NBEA: variants seen among roughly 807,000 people sequenced by gnomAD.
The protein encoded by NBEA is neurobeachin, also known as lysosomal-trafficking regulator 2.
In NBEA, 44 loss-of-function variants were observed where a neutral mutation model predicts 343.4. That is an observed-to-expected ratio of 0.13 (90% confidence interval 0.10 to 0.16). NBEA has a LOEUF of 0.16. Among genes scored for constraint, NBEA ranks in the 10% least tolerant of loss-of-function variants. The pLI is 1.00. For missense variants in NBEA, 2,555 were observed against 3,631.3 expected (o/e 0.70, Z 7.62); for synonymous variants, 1,175 against 1,238.7 (o/e 0.95, Z 1.08).
intron 1 of NBEA, among the ~76,000 whole-genome samples, chr13:34,988,920 T>C (rs1211609056): frequency 6.6e-6 from 1 of 150,908 alleles, no homozygotes; most frequent in Non-Finnish European, 1.5e-5. Flanking sequence ...ATAGGAAAAT[T>C]TGTGTTCCAG....
At chr13:35,343,478 A>G (rs1172669102) in intron 36 of NBEA, among the ~76,000 whole-genome samples, 1 of 152,130 alleles carries the variant, frequency 6.6e-6, no homozygotes, top group Non-Finnish European at 1.5e-5. Flanking sequence ...CCTGTGTAAA[A>G]TCTGATCACA....
intron 39 of NBEA, among the ~76,000 whole-genome samples, chr13:35,437,694 A>G (rs1400494135): frequency 6.6e-6 from 1 of 152,170 alleles, no homozygotes; most frequent in Non-Finnish European, 1.5e-5. Context: ...ATTACCATGA[A>G]TTTTATGGAC....
At chr13:35,177,999 G>A (rs894998472) in intron 28 of NBEA, among the ~76,000 whole-genome samples, 4 of 151,612 alleles carry the variant, frequency 2.6e-5, no homozygotes, top group Non-Finnish European at 4.4e-5. Context: ...GTTATAAAAT[G>A]CTAGGAAAAT....
chr13:35,251,741 A>C (rs145007798), intron 34 of NBEA: 212 of 238,560 alleles, frequency 8.9e-4, no homozygotes, highest in African/African-American at 4.8e-3. Flanking sequence ...GGAGCTGTAC[A>C]TGCTCAAAGC....
intron 38 of NBEA, among the ~76,000 whole-genome samples, chr13:35,413,924 T>A (rs2043741330): frequency 6.6e-6 from 1 of 152,034 alleles, no homozygotes; most frequent in Non-Finnish European, 1.5e-5. Context: ...ACACTGGAGG[T>A]ATCATACATG....
intron 7 of NBEA, among the ~76,000 whole-genome samples, chr13:35,056,808 TC>T (rs1245112327): frequency 2.6e-5 from 4 of 152,142 alleles, no homozygotes; most frequent in Non-Finnish European, 5.9e-5. Flanking sequence ...AGCTTAAAAA[TC>T]CTTGGAAGGT....
Position 35,359,108 on chromosome 13 carries a change from G to A in NBEA, c.6179+6785G>A, listed in dbSNP as rs1446040629. 2.6e-5 allele frequency among the ~76,000 whole-genome samples: 4 copies of A among 152,278 alleles called. No homozygotes were observed. In the East Asian group the frequency reaches 7.7e-4, roughly 29 times the overall value. ...GACTTTATCCTAAGTAGCATGAAAA[G>A]CAAAGAAGTATTTGAACAGGAGAAT... On this transcript the variant is annotated intron_variant, in intron 38 of 58. Coordinates refer to ENST00000379939, the MANE Select transcript of NBEA (RefSeq NM_001385012.1).
intron 10 of NBEA, among the ~76,000 whole-genome samples, chr13:35,093,990 T>C (rs763832932): frequency 6.6e-6 from 1 of 151,838 alleles, no homozygotes; most frequent in Non-Finnish European, 1.5e-5. Flanking sequence ...TATATAGTAA[T>C]ATAAGAGATT....
chr13:35,300,786 G>A (rs1247225740), intron 35 of NBEA, among the ~76,000 whole-genome samples: 1 of 152,132 alleles, frequency 6.6e-6, no homozygotes, highest in Non-Finnish European at 1.5e-5. Flanking sequence ...CGGTAGCTTA[G>A]GATAACCAAT....
chr13:35,166,858 TA>T (rs1355114920), intron 24 of NBEA, among the ~76,000 whole-genome samples: 2 of 152,004 alleles, frequency 1.3e-5, no homozygotes, highest in Non-Finnish European at 2.9e-5. Context: ...TATTTAAATT[TA>T]AAGTGTAAAA....
chr13:35,065,262 GATGTCTTAAAT>G (rs2063610130), intron 8 of NBEA, among the ~76,000 whole-genome samples: 1 of 151,744 alleles, frequency 6.6e-6, no homozygotes, highest in Non-Finnish European at 1.5e-5. Flanking sequence ...TCTTTCTTTG[GATGTCTTAAAT>G]ATGCTACTAA....
At chr13:35,488,079 A>C (rs1206705079) in intron 41 of NBEA, among the ~76,000 whole-genome samples, 1 of 151,878 alleles carries the variant, frequency 6.6e-6, no homozygotes, top group African/African-American at 2.4e-5. Flanking sequence ...TTTTGTATTC[A>C]TCCAACTCAT....
At chr13:35,536,646 TGATAGATA>T (rs79061692) in intron 41 of NBEA, among the ~76,000 whole-genome samples, 18 of 99,358 alleles carry the variant, frequency 1.8e-4, no homozygotes, top group African/African-American at 7.5e-4. Flanking sequence ...AATAGATAGA[TGATAGATA>T]GATAGATAGA....
At chr13:35,364,185 G>C (rs1030027198) in intron 38 of NBEA, among the ~76,000 whole-genome samples, 7 of 151,856 alleles carry the variant, frequency 4.6e-5, no homozygotes, top group Non-Finnish European at 1.0e-4. Context: ...CCAGTGAAGG[G>C]CATCTAGGAA....
chr13:35,126,127 G>T (rs1176990410), intron 17 of NBEA, among the ~76,000 whole-genome samples: 3 of 152,182 alleles, frequency 2.0e-5, no homozygotes, highest in African/African-American at 7.2e-5. Context: ...CATGGGGGCA[G>T]TTCCCCCCTG....
Position 35,649,656 on chromosome 13 carries a change from G to A in NBEA, c.7772G>A (p.Cys2591Tyr). Reference sequence around the variant, plus strand: ...TTCTCTTCCCTTTCTATTCAACAGTGTTTCCTTCCACAGAGTCCGCTCATG... The same window carrying A: ...TTCTCTTCCCTTTCTATTCAACAGTATTTCCTTCCACAGAGTCCGCTCATG... Reference protein sequence around the residue: ...HPPRSSAMHLCFLPQSPLMFK... With the variant: ...HPPRSSAMHLYFLPQSPLMFK... The change falls in exon 52 of 59, where the codon TGT becomes TAT. Residue 2591 changes from cysteine to tyrosine, a missense_variant and splice_region_variant. Physicochemically the swap from Cys to Tyr is radical, Grantham distance 194. Transcript: ENST00000379939. The A allele has an allele frequency of 6.2e-7, 1 of 1,611,134 alleles. No homozygotes were observed. The highest frequency in any genetic ancestry group is 8.5e-7 in the Non-Finnish European group (1 of 1,177,388).
At chr13:35,087,829 A>G (rs938906455) in intron 10 of NBEA, among the ~76,000 whole-genome samples, 7 of 151,962 alleles carry the variant, frequency 4.6e-5, no homozygotes, top group Non-Finnish European at 7.4e-5. Context: ...TGGTATAACC[A>G]GAGAACCTTG....
intron 24 of NBEA, among the ~76,000 whole-genome samples, chr13:35,167,596 C>T (rs1015282649): frequency 2.6e-5 from 4 of 151,784 alleles, no homozygotes; most frequent in Admixed American, 2.6e-4. Flanking sequence ...AGTTTCAGAT[C>T]TCCGAGTTAG....
At chr13:35,050,542 T>G in intron 6 of NBEA, 147 bp downstream of exon 6, 1 of 908,942 alleles carries the variant, frequency 1.1e-6, no homozygotes, top group Non-Finnish European at 1.6e-6. Flanking sequence ...CCTTTTTACT[T>G]TTATGTCTAA....
Sources: allele counts gnomAD v4.1 joint callset (sites outside exome capture counted in the v4.1 genomes callset), GRCh38; gene constraint gnomAD v4.1.1; transcripts MANE v1.5; gene names NCBI Gene and HGNC (gene_info 2026-07-23, HGNC 2026-07-21).